The following FOCAD variants were observed in gnomAD, a reference collection of about 807,000 sequenced individuals.
FOCAD encodes KIAA1797.
Under a neutral mutation model 225.6 loss-of-function variants are expected in FOCAD, and 198 were observed. The observed-to-expected ratio is 0.88, with a 90% CI of 0.78 to 0.99. The LOEUF (loss-of-function observed/expected upper bound fraction) is 0.99, where lower values mean the gene tolerates loss of function less well. Among genes scored for constraint, FOCAD ranks in the 50% least tolerant of loss-of-function variants. The pLI is 0.00. For synonymous variants in FOCAD, 897 were observed against 755.0 expected (o/e 1.19, Z -3.08); for missense variants, 2,713 against 2,123.6 (o/e 1.28, Z -5.46).
At chr9:20,786,795 A>ATGT (rs1357217984) in intron 10 of FOCAD, 1 of 158,452 alleles carries the variant, frequency 6.3e-6, no homozygotes, top group African/African-American at 2.4e-5. Flanking sequence ...CTACCTGTAA[A>ATGT]AGATGTCTTA....
chr9:20,897,848 A>C (rs1309756451), intron 21 of FOCAD, among the ~76,000 whole-genome samples: 1 of 151,780 alleles, frequency 6.6e-6, no homozygotes, highest in Non-Finnish European at 1.5e-5. Flanking sequence ...TCCTTTCTTT[A>C]TCTAGATCTG....
chr9:20,905,114 G>A (rs1832850677), intron 21 of FOCAD, among the ~76,000 whole-genome samples: 1 of 151,910 alleles, frequency 6.6e-6, no homozygotes, highest in Non-Finnish European at 1.5e-5. Flanking sequence ...AGAGATTTGT[G>A]CACAGCTGAC....
intron 35 of FOCAD, among the ~76,000 whole-genome samples, chr9:20,954,918 C>A (rs1275908711): frequency 6.6e-6 from 1 of 152,198 alleles, no homozygotes. Flanking sequence ...CCAGACCCTG[C>A]TCTGTGGGGC....
chr9:20,897,061 A>G (rs899955353), intron 21 of FOCAD: 1 of 151,728 alleles, frequency 6.6e-6, no homozygotes, highest in African/African-American at 2.4e-5. Flanking sequence ...TTTGCCTTAT[A>G]TATTTTGATG....
intron 8 of FOCAD, among the ~76,000 whole-genome samples, chr9:20,777,610 C>G (rs941585020): frequency 1.3e-5 from 2 of 151,768 alleles, no homozygotes; most frequent in Admixed American, 6.6e-5. Flanking sequence ...TACGGTAATT[C>G]GAAAATAATC....
intron 4 of FOCAD, among the ~76,000 whole-genome samples, chr9:20,722,984 G>A (rs1159754056): frequency 6.6e-6 from 1 of 152,182 alleles, no homozygotes; most frequent in Non-Finnish European, 1.5e-5. Flanking sequence ...CTGTGTATTT[G>A]AGGTGTAATT....
intron 1 of FOCAD, among the ~76,000 whole-genome samples, chr9:20,691,130 A>T (rs1413793868): frequency 1.3e-5 from 2 of 152,054 alleles, no homozygotes; most frequent in Non-Finnish European, 2.9e-5. Context: ...TTTAGTAGAG[A>T]TGGGGTTTCA....
intron 23 of FOCAD, among the ~76,000 whole-genome samples, chr9:20,916,357 G>T (rs1171452184): frequency 6.6e-6 from 1 of 152,062 alleles, no homozygotes; most frequent in African/African-American, 2.4e-5. Flanking sequence ...GCTTTCCTGT[G>T]ACTATATAAC....
intron 29 of FOCAD, 96 bp downstream of exon 29, chr9:20,944,870 A>G: frequency 7.8e-7 from 1 of 1,286,400 alleles, no homozygotes; most frequent in South Asian, 1.6e-5. Flanking sequence ...AACCCTATAA[A>G]TTAAATTCTT....
At chr9:20,860,638 T>G (rs1328430402) in intron 15 of FOCAD, among the ~76,000 whole-genome samples, 5 of 152,070 alleles carry the variant, frequency 3.3e-5, no homozygotes, top group African/African-American at 1.2e-4. Context: ...TCAAGCGATT[T>G]TTGTGCGTGG....
intron 1 of FOCAD, among the ~76,000 whole-genome samples, chr9:20,702,281 T>A (rs961937966): frequency 6.6e-5 from 10 of 152,044 alleles, no homozygotes; most frequent in Non-Finnish European, 1.2e-4. Flanking sequence ...TTTTAAAATT[T>A]TTTGTAGAGA....
At chr9:20,988,173 C>G (rs185748988) in intron 40 of FOCAD, among the ~76,000 whole-genome samples, 159 bp from the exon 41 acceptor site, 374 of 152,216 alleles carry the variant, frequency 2.5e-3, no homozygotes, top group African/African-American at 8.5e-3. Flanking sequence ...AGAACTCTCT[C>G]ACAGGCAGTC....
intron 21 of FOCAD, among the ~76,000 whole-genome samples, chr9:20,892,978 AT>A (rs749699793): frequency 2.8e-4 from 42 of 152,216 alleles, no homozygotes; most frequent in South Asian, 6.2e-4. Flanking sequence ...GTTGCCAAAG[AT>A]TTATATAATT....
At chr9:20,685,367 T>C (rs1822603580) in intron 1 of FOCAD, among the ~76,000 whole-genome samples, 1 of 152,174 alleles carries the variant, frequency 6.6e-6, no homozygotes, top group South Asian at 2.1e-4. Flanking sequence ...GGAGGGTAGA[T>C]GGCATGTTTC....
At chr9:20,797,787 T>G (rs1205913261) in intron 11 of FOCAD, among the ~76,000 whole-genome samples, 1 of 152,234 alleles carries the variant, frequency 6.6e-6, no homozygotes, top group Non-Finnish European at 1.5e-5. Flanking sequence ...TCATGCCATC[T>G]GCAAACAGGG....
chr9:20,750,405 G>T (rs188933274), intron 5 of FOCAD, among the ~76,000 whole-genome samples: 46 of 152,212 alleles, frequency 3.0e-4, no homozygotes, highest in African/African-American at 9.9e-4. Context: ...TCTTCTATTT[G>T]CTAGATATTA....
At chr9:20,897,201 A>G (rs1033651301) in intron 21 of FOCAD, among the ~76,000 whole-genome samples, 9 of 151,724 alleles carry the variant, frequency 5.9e-5, no homozygotes, top group African/African-American at 2.2e-4. Flanking sequence ...TCTGAAATTA[A>G]TATAGGTCTT....
At chr9:20,796,024 C>G (rs1028021354) in intron 11 of FOCAD, among the ~76,000 whole-genome samples, 18 of 144,032 alleles carry the variant, frequency 1.2e-4, no homozygotes, top group African/African-American at 3.6e-4. Flanking sequence ...TCCATGTGTT[C>G]TCATTGTTCA....
chr9:20,914,580 G>A (rs1833718537), intron 23 of FOCAD, among the ~76,000 whole-genome samples: 1 of 152,188 alleles, frequency 6.6e-6, no homozygotes, highest in African/African-American at 2.4e-5. Flanking sequence ...ATTCTAGGAA[G>A]AGGAAACAGC....
Sources: gnomAD v4.1 joint callset for allele counts (sites outside exome capture counted in the v4.1 genomes callset) on GRCh38, gnomAD v4.1.1 for gene constraint, MANE v1.5 for transcripts, NCBI Gene and HGNC (gene_info 2026-07-23, HGNC 2026-07-21) for gene names.